Variants in ZNF729 observed in about 807,000 individuals in gnomAD.
ZNF729 encodes the protein zinc finger protein 729.
A neutral mutation model predicts 12.2 loss-of-function variants in ZNF729; 15 were observed. The observed-to-expected ratio is 1.23, with a 90% CI of 0.82 to 1.89. The LOEUF is 1.89. Among genes scored for constraint, ZNF729 ranks in the 40% most tolerant of loss-of-function variants. ZNF729 has a pLI of 0.00. For synonymous variants in ZNF729, 492 were observed against 476.3 expected (o/e 1.03, Z -0.43); for missense variants, 1,540 against 1,456.7 (o/e 1.06, Z -0.93).
intron 3 of ZNF729, among the ~76,000 whole-genome samples, chr19:22,305,342 A>G (rs1190233297): frequency 6.6e-6 from 1 of 152,166 alleles, no homozygotes; most frequent in African/African-American, 2.4e-5. Flanking sequence ...TATGCAAAAT[A>G]TTATAGTCTA....
At chr19:22,286,679 C>T in intron 1 of ZNF729, 124 bp downstream of exon 1, 2 of 1,253,634 alleles carry the variant, frequency 1.6e-6, no homozygotes, top group East Asian at 2.3e-5. Flanking sequence ...GGAGTTCTTT[C>T]CCATCTCGGC....
intron 1 of ZNF729, among the ~76,000 whole-genome samples, chr19:22,288,576 C>T (rs543953862): frequency 1.8e-4 from 27 of 152,250 alleles, no homozygotes; most frequent in Non-Finnish European, 3.2e-4. Context: ...TTCAGGGAAG[C>T]AGGCGGATGC....
intron 3 of ZNF729, among the ~76,000 whole-genome samples, chr19:22,307,687 G>A (rs1401451116): frequency 1.4e-5 from 2 of 146,934 alleles, no homozygotes; most frequent in South Asian, 2.2e-4. Context: ...AGGTTGTGGT[G>A]AGCCGAGATC....
Position 22,313,909 on chromosome 19 carries a change from T to G in ZNF729, c.492T>G (p.His164Gln). The G allele has an allele frequency of 1.3e-6, 2 of 1,530,146 alleles. No homozygotes were observed. Among genetic ancestry groups the G allele is most frequent in the Non-Finnish European group, 1.8e-6 (2 of 1,141,780 alleles). The allele number at this position is 1,530,146 out of a possible 1,614,324, so 94.8% of individuals were successfully genotyped here. ...GTAACAAACATATGAAAGTCTTTCA[T>G]AAATATTCAAATAGAAATAAGGTTA... ...FQCNKHMKVFHKYSNRNKVRH... is the reference protein window; with the variant it reads ...FQCNKHMKVFQKYSNRNKVRH... Residue 164 changes from histidine (H) to glutamine (Q), a missense_variant, in exon 4 of 4, where the codon CAT becomes CAG. Coordinates refer to ENST00000601693, the MANE Select transcript of ZNF729 (RefSeq NM_001242680.2).
At chr19:22,288,379 C>G (rs750671427) in intron 1 of ZNF729, among the ~76,000 whole-genome samples, 3 of 148,106 alleles carry the variant, frequency 2.0e-5, no homozygotes, top group Non-Finnish European at 4.4e-5. Flanking sequence ...AAATGTTTTC[C>G]TTTGGAAACT....
intron 3 of ZNF729, among the ~76,000 whole-genome samples, chr19:22,308,412 G>A (rs1205998535): frequency 6.6e-6 from 1 of 152,150 alleles, no homozygotes; most frequent in African/African-American, 2.4e-5. Context: ...GGGTCAAATG[G>A]TAGTATGACT....
chr19:22,287,692 A>G (rs1002363218), intron 1 of ZNF729, among the ~76,000 whole-genome samples: 2 of 140,906 alleles, frequency 1.4e-5, no homozygotes, highest in African/African-American at 5.3e-5. Context: ...TTTCCCTTGC[A>G]TTTTTTACAG....
rs563726830 is a variant in ZNF729 at position 22,312,932 on chromosome 19, C to T, written c.254-739C>T. ...TTCTCCATGTTGGTCACGCTGGTCTCGAACTCCCGACCTCAGGTGATCCGC... is the reference window on the plus strand; with the variant it reads ...TTCTCCATGTTGGTCACGCTGGTCTTGAACTCCCGACCTCAGGTGATCCGC... On this transcript the variant is annotated intron_variant, in intron 3 of 3. Coordinates refer to ENST00000601693, the MANE Select transcript of ZNF729 (RefSeq NM_001242680.2). 6.8e-4 allele frequency among the ~76,000 whole-genome samples: 103 copies of T among 152,154 alleles called. 3 individuals are homozygous for T. The South Asian group carries it at 0.019, about 29-fold the overall frequency.
intron 1 of ZNF729, among the ~76,000 whole-genome samples, chr19:22,302,051 TC>T: frequency 6.6e-6 from 1 of 152,308 alleles, no homozygotes; most frequent in Non-Finnish European, 1.5e-5. Context: ...CAGAACTGTG[TC>T]AAGCTGACAA....
chr19:22,304,933 G>A, intron 3 of ZNF729, 150 bp downstream of exon 3: 1 of 754,486 alleles, frequency 1.3e-6, no homozygotes, highest in South Asian at 2.1e-5. Flanking sequence ...CTCTCACGTA[G>A]AGGCATCTTC....
At chr19:22,291,511 A>G (rs1051196595) in intron 1 of ZNF729, among the ~76,000 whole-genome samples, 1 of 152,172 alleles carries the variant, frequency 6.6e-6, no homozygotes, top group African/African-American at 2.4e-5. Context: ...AAAAGTGTCT[A>G]CAAGTCTCCT....
At chr19:22,292,985 C>T (rs1968174906) in intron 1 of ZNF729, among the ~76,000 whole-genome samples, 1 of 152,128 alleles carries the variant, frequency 6.6e-6, no homozygotes, top group East Asian at 1.9e-4. Flanking sequence ...ACACTCATGC[C>T]AGCAGCACAT....
chr19:22,291,105 A>C (rs1968146675), intron 1 of ZNF729, among the ~76,000 whole-genome samples: 1 of 152,086 alleles, frequency 6.6e-6, no homozygotes. Context: ...TCAGAATTCA[A>C]ATGTTAGGCA....
Position 22,316,505 on chromosome 19 carries a change from A to G in ZNF729, c.3088A>G (p.Asn1030Asp). 1 of 1,613,680 alleles carries G rather than the reference A, an allele frequency of 6.2e-7. No homozygotes were observed. The highest frequency in any genetic ancestry group is 8.5e-7 in the Non-Finnish European group (1 of 1,179,718). ...ATGTGAAGAATGTGTCAAAGCTTTT[A>G]ACAATTTCTCAGCCCTTATGAAACA... ...YKCEECVKAF[N>D]NFSALMKHKI... The change falls in exon 4 of 4, where the codon AAC (asparagine) becomes GAC (aspartate). Residue 1030 changes from asparagine to aspartate, a missense_variant. Asn to Asp is a conservative substitution (Grantham distance 23). Coordinates refer to ENST00000601693, the MANE Select transcript of ZNF729 (RefSeq NM_001242680.2).
chr19:22,315,743 G>C lies in ZNF729; in HGVS notation c.2326G>C (p.Ala776Pro). ...KLYKCEECVK[A>P]FNSFSALMKH... ...GTACAAATGTGAAGAATGTGTCAAA[G>C]CTTTTAACAGTTTCTCAGCCCTTAT... The change falls in exon 4 of 4, where the codon GCT (alanine) becomes CCT (proline). Residue 776 changes from alanine to proline, a missense_variant. Physicochemically the swap from Ala to Pro is conservative, Grantham distance 27. Transcript: ENST00000601693. 10 of 1,607,310 alleles carry C rather than the reference G, an allele frequency of 6.2e-6. No homozygotes were observed. The highest frequency in any genetic ancestry group is 8.5e-6 in the Non-Finnish European group (10 of 1,178,426).
chr19:22,304,167 T>C (rs1323132460), intron 2 of ZNF729, among the ~76,000 whole-genome samples: 1 of 151,728 alleles, frequency 6.6e-6, no homozygotes, highest in Non-Finnish European at 1.5e-5. Context: ...GCCTCCCAAG[T>C]AGCTGGGACT....
At chr19:22,287,624 C>T (rs1259077485) in intron 1 of ZNF729, among the ~76,000 whole-genome samples, 1 of 151,644 alleles carries the variant, frequency 6.6e-6, no homozygotes, top group Admixed American at 6.6e-5. Context: ...GTCTAATTGC[C>T]TGCCACTTAA....
intron 1 of ZNF729, among the ~76,000 whole-genome samples, chr19:22,287,554 G>A (rs1968096016): frequency 6.6e-6 from 1 of 151,974 alleles, no homozygotes; most frequent in African/African-American, 2.4e-5. Flanking sequence ...GGTGTGAGCC[G>A]CTGCGCTCGG....
At position 22,317,078 on chromosome 19, in the gene ZNF729, G is replaced by A. The variant is rs114449827; in HGVS notation, c.3661G>A (p.Val1221Ile). Residue 1221 changes from valine (V) to isoleucine (I), a missense_variant, in exon 4 of 4, where the codon GTA becomes ATA. Coordinates refer to ENST00000601693, the MANE Select transcript of ZNF729 (RefSeq NM_001242680.2). ...TREKPTNVKKVPKLLSNPHTL... is the reference protein window; with the variant it reads ...TREKPTNVKKIPKLLSNPHTL... ...AGAGAAACCTACAAATGTGAAGAAA[G>A]TACCAAAGCTTTTAAGCAATCCTCA... 2.8e-3 allele frequency: 4,438 copies of A among 1,603,858 alleles called. 92 individuals carry two copies. The African/African-American group carries it at 0.05, about 18-fold the overall frequency.
Sources: gnomAD v4.1 joint callset for allele counts (sites outside exome capture counted in the v4.1 genomes callset) on GRCh38, gnomAD v4.1.1 for gene constraint, MANE v1.5 for transcripts, NCBI Gene and HGNC (gene_info 2026-07-23, HGNC 2026-07-21) for gene names.